CELSR1: variants seen among roughly 807,000 people sequenced by gnomAD.
The protein encoded by CELSR1 is cadherin EGF LAG seven-pass G-type receptor 1.
Under a neutral mutation model 249.1 loss-of-function variants are expected in CELSR1, and 110 were observed. The observed-to-expected ratio is 0.44, with a 90% CI of 0.38 to 0.52. CELSR1 has a LOEUF of 0.52. CELSR1 is among the 20% of genes least tolerant of loss of function. The probability of loss-of-function intolerance (pLI) is 0.00; values close to 1 mark genes in which losing one functional copy is unlikely to be tolerated. For missense variants in CELSR1, 4,109 were observed against 4,296.4 expected (o/e 0.96, Z 1.22); for synonymous variants, 2,113 against 1,900.0 (o/e 1.11, Z -2.92).
At chr22:46,439,779 C>T (rs1298779544) in intron 2 of CELSR1, among the ~76,000 whole-genome samples, 1 of 152,110 alleles carries the variant, frequency 6.6e-6, no homozygotes, top group Non-Finnish European at 1.5e-5. Context: ...CGCCTAGAAA[C>T]AGACCAGAGC....
chr22:46,460,241 C>T (rs1275936004), intron 2 of CELSR1, among the ~76,000 whole-genome samples: 1 of 151,930 alleles, frequency 6.6e-6, no homozygotes. Context: ...CCCTGCCATC[C>T]TGGGGGACAG....
rs918690174 is a variant in CELSR1, at chr22:46,437,237, A to C, written c.4407-948T>G. Among the ~76,000 whole-genome samples, 2 of 152,200 alleles carry C rather than the reference A, an allele frequency of 1.3e-5. No homozygotes were observed. The highest frequency in any genetic ancestry group is 2.9e-5 in the Non-Finnish European group (2 of 68,032). ...CAGGGGCCCCGGGCAGGGGGTCTTC[A>C]GACCCAAATCACCACAACACCTCCC... On this transcript the variant is annotated intron_variant, in intron 3 of 34. Transcript: ENST00000674500. The surrounding 1 kb of genome is among the most constrained non-coding windows in gnomAD (Gnocchi z 4.9).
Position 46,433,458 on chromosome 22 carries a change from G to A in CELSR1, c.4546C>T (p.Pro1516Ser). The A allele has an allele frequency of 6.2e-7, 1 of 1,614,042 alleles. No individual in the cohort carries two copies. The highest frequency in any genetic ancestry group is 1.3e-5 in the African/African-American group (1 of 75,058). The change falls in exon 5 of 35, where the codon CCG becomes TCG. Residue 1516 changes from proline (P) to serine (S), a missense_variant. This residue lies in a region of CELSR1 where 453 missense variants were observed against 492.0 expected (regional missense o/e 0.92). Coordinates refer to ENST00000674500, the MANE Select transcript of CELSR1 (RefSeq NM_001378328.1). The surrounding 1 kb of genome is among the most constrained non-coding windows in gnomAD (Gnocchi z 5.7). ...TCACTCACACCACTGGGAACCTTCG[G>A]TGCCACGGTCGTTGTTGTCTCGCCT... ...SAGETTTTVA[P>S]KVPSGVSDGR... is the part of the protein sequence containing the mutation.
At position 46,409,659 on chromosome 22, in the gene CELSR1, G is replaced by T; in HGVS notation, c.5059+96C>A. On this transcript the variant is annotated intron_variant, in intron 8 of 34. Transcript: ENST00000674500. The surrounding 1 kb of genome is among the most constrained non-coding windows in gnomAD (Gnocchi z 9.8). Reference sequence around the variant, plus strand: ...TATACCACCAGAGGCTGCCGGACCTGGATGTGAAGCCCCCTCACGGTGGTC... The same window carrying T: ...TATACCACCAGAGGCTGCCGGACCTTGATGTGAAGCCCCCTCACGGTGGTC... 2 of 1,465,958 alleles carry T rather than the reference G, an allele frequency of 1.4e-6. No individual in the cohort carries two copies. Among genetic ancestry groups the T allele is most frequent in the Non-Finnish European group, 1.9e-6 (2 of 1,064,184 alleles). 90.8% of individuals were successfully genotyped at this position (1,465,958 alleles called of 1,614,324 possible).
Position 46,391,906 on chromosome 22 carries a change from C to T in CELSR1, c.5965-90G>A. 7.3e-7 allele frequency: 1 copy of T among 1,378,790 alleles called. No homozygotes were observed. Among genetic ancestry groups the T allele is most frequent in the Non-Finnish European group, 9.8e-7 (1 of 1,016,622 alleles). The allele number at this position is 1,378,790 out of a possible 1,614,324, so 85.4% of individuals were successfully genotyped here. A position where few individuals can be genotyped will look rare whatever the true frequency, so the allele number is the denominator to read the frequency against. ...GTTTCCCGAGCGACGTCCAGACTCCCACCCGGGTGTGTGTGTTGGCCGCCA... is the reference window on the plus strand; with the variant it reads ...GTTTCCCGAGCGACGTCCAGACTCCTACCCGGGTGTGTGTGTTGGCCGCCA... On this transcript the variant is annotated intron_variant, in intron 14 of 34. Transcript: ENST00000674500. This position sits in a 1 kb window ranked among gnomAD's most constrained non-coding sequence, Gnocchi z 4.3.
chr22:46,366,061 AG>A (rs1306174613), intron 30 of CELSR1, among the ~76,000 whole-genome samples: 1 of 3,280 alleles, frequency 3.0e-4, no homozygotes, highest in Non-Finnish European at 5.6e-4. Context: ...GGAAAGGTGG[AG>A]GGGGAAGGTG....
chr22:46,491,718 T>C (rs1446032867), intron 1 of CELSR1, among the ~76,000 whole-genome samples: 2 of 150,960 alleles, frequency 1.3e-5, no homozygotes, highest in East Asian at 2.0e-4. Flanking sequence ...CACTGCAATG[T>C]TCACCTCCCG....
At chr22:46,415,710 C>A (rs557628235) in intron 5 of CELSR1, among the ~76,000 whole-genome samples, 2 of 152,086 alleles carry the variant, frequency 1.3e-5, no homozygotes, top group Non-Finnish European at 2.9e-5. Context: ...CGGGAAGATC[C>A]TTCCAATTTT....
chr22:46,402,582 C>G lies in CELSR1; in HGVS notation c.5227-2680G>C, dbSNP rs971379963. The stretch of plus-strand genomic sequence containing the variant: ...TGTCTAGCACTCAATAAAAAATAGC[C>G]AAGTATACGAGGATATAAGGTAATA... On this transcript the variant is annotated intron_variant, in intron 9 of 34. Transcript: ENST00000674500. The surrounding 1 kb of genome is among the most constrained non-coding windows in gnomAD (Gnocchi z 5.0). Among the ~76,000 whole-genome samples, 2 of 152,096 alleles carry G rather than the reference C, an allele frequency of 1.3e-5. No homozygotes were observed. Among genetic ancestry groups the G allele is most frequent in the African/African-American group, 4.8e-5 (2 of 41,416 alleles).
intron 1 of CELSR1, among the ~76,000 whole-genome samples, chr22:46,525,624 G>A (rs2147802515): frequency 6.6e-6 from 1 of 152,310 alleles, no homozygotes; most frequent in East Asian, 1.9e-4. Context: ...ACCAAACTCA[G>A]GACTGCTTTC....
rs968902203 is a variant in CELSR1 at position 46,517,164 on chromosome 22, C to T, written c.3544+16463G>A. On this transcript the variant is annotated intron_variant, in intron 1 of 34. Transcript: ENST00000674500. This position sits in a 1 kb window ranked among gnomAD's most constrained non-coding sequence, Gnocchi z 5.4. ...CCCCATCCCCCACTGCCTCAGTTTT[C>T]CCAGCTGCAGAGCATGGAGCTGCCA... Among the ~76,000 whole-genome samples, 1 of 152,258 alleles carries T rather than the reference C, an allele frequency of 6.6e-6. No individual in the cohort carries two copies. The highest frequency in any genetic ancestry group is 2.4e-5 in the African/African-American group (1 of 41,482).
In CELSR1 at chr22:46,447,915, C is replaced by G. The variant is rs1003390508; in HGVS notation, c.4184-8504G>C. Among the ~76,000 whole-genome samples, 1 of 152,198 alleles carries G rather than the reference C, an allele frequency of 6.6e-6. No individual in the cohort carries two copies. The highest frequency in any genetic ancestry group is 1.5e-5 in the Non-Finnish European group (1 of 68,046). ...GATTACAGGTGCGAGCCACCACACC[C>G]GGCCAGAAAAGCATTCTTAACGGCA... is the stretch of plus-strand genomic sequence containing the variant. On this transcript the variant is annotated intron_variant, in intron 2 of 34. Transcript: ENST00000674500. The surrounding 1 kb of genome is among the most constrained non-coding windows in gnomAD (Gnocchi z 4.7).
chr22:46,501,412 G>A (rs1287519080), intron 1 of CELSR1, among the ~76,000 whole-genome samples: 2 of 152,002 alleles, frequency 1.3e-5, no homozygotes, highest in Non-Finnish European at 2.9e-5. Context: ...CACCATGTTG[G>A]CCAGGCTGGT....
In CELSR1 at chr22:46,506,173, C is replaced by CAAAAAA. The variant is rs59470297; in HGVS notation, c.3544+27448_3544+27453dup. 7.3e-6 allele frequency among the ~76,000 whole-genome samples: 1 copy of CAAAAAA among 137,026 alleles called. No individual in the cohort carries two copies. Among genetic ancestry groups the CAAAAAA allele is most frequent in the Non-Finnish European group, 1.6e-5 (1 of 64,142 alleles). The allele number at this position is 137,026 out of a possible 152,430, so 89.9% of individuals were successfully genotyped here. On this transcript the variant is annotated intron_variant, in intron 1 of 34. Transcript: ENST00000674500. The surrounding 1 kb of genome is among the most constrained non-coding windows in gnomAD (Gnocchi z 4.1). ...CAGCCTGGGCGACAGAGACTGTCTC[C>CAAAAAA]AAAAAAAAAAAAAAAAAAAAGAAAA...
intron 19 of CELSR1, among the ~76,000 whole-genome samples, chr22:46,385,959 G>A (rs1471638288): frequency 6.9e-6 from 1 of 144,128 alleles, no homozygotes; most frequent in Non-Finnish European, 1.5e-5. Flanking sequence ...TTACAGGCGT[G>A]AGCCACCGCG....
rs113616457 is a variant in CELSR1 at position 46,380,850 on chromosome 22, G to A, written c.7194C>T (p.Phe2398=). ...RPLERPVLVE[F]ALLEVEERTK... ...TTCGCTCCTCCACCTCCAGCAGGGCGAACTCCACCAGGACGGGCCTCTCCA... is the reference window on the plus strand; with the variant it reads ...TTCGCTCCTCCACCTCCAGCAGGGCAAACTCCACCAGGACGGGCCTCTCCA... The change falls in exon 22 of 35, where the codon TTC becomes TTT. Residue 2398 remains phenylalanine, a synonymous_variant. Coordinates refer to ENST00000674500, the MANE Select transcript of CELSR1 (RefSeq NM_001378328.1). The surrounding 1 kb of genome is among the most constrained non-coding windows in gnomAD (Gnocchi z 5.1). The A allele has an allele frequency of 1.6e-3, 2,643 of 1,612,400 alleles. 39 individuals are homozygous for A. In the African/African-American group the frequency reaches 0.029, roughly 18 times the overall value.
At chr22:46,375,158 C>T (rs908430295) in intron 24 of CELSR1, among the ~76,000 whole-genome samples, 2 of 152,306 alleles carry the variant, frequency 1.3e-5, no homozygotes, top group South Asian at 2.1e-4. Flanking sequence ...AGCAGCTCGC[C>T]GGAAGGTTCC....
Position 46,537,001 on chromosome 22 carries a change from G to A in CELSR1, c.170C>T (p.Thr57Met), listed in dbSNP as rs1448930702. 3.6e-6 allele frequency: 4 copies of A among 1,113,640 alleles called. No homozygotes were observed. Among genetic ancestry groups the A allele is most frequent in the South Asian group, 3.8e-5 (1 of 26,058 alleles). 69.0% of individuals were successfully genotyped at this position (1,113,640 alleles called of 1,614,324 possible). ...GCTYAVGAAC[T>M]PRAPRELLDV... ...CAGCAGCTCCCGCGGCGCCCGGGGC[G>A]TGCAAGCGGCGCCCACCGCGTAGGT... Residue 57 changes from threonine to methionine, a missense_variant, in exon 1 of 35, where the codon ACG becomes ATG. Physicochemically the swap from Thr to Met is moderately conservative, Grantham distance 81. Transcript: ENST00000674500. This position sits in a 1 kb window ranked among gnomAD's most constrained non-coding sequence, Gnocchi z 5.8.
chr22:46,438,159 G>T (rs1201138746), intron 3 of CELSR1, among the ~76,000 whole-genome samples: 3 of 152,200 alleles, frequency 2.0e-5, no homozygotes, highest in Non-Finnish European at 4.4e-5. Flanking sequence ...CAAAAAAAAG[G>T]AGAGGCCAGA....
Sources: allele counts gnomAD v4.1 joint callset (sites outside exome capture counted in the v4.1 genomes callset), GRCh38; gene constraint gnomAD v4.1.1; regional missense constraint gnomAD v4.1.1; non-coding constraint Gnocchi (gnomAD v3.1); transcripts MANE v1.5; gene names NCBI Gene and HGNC (gene_info 2026-07-23, HGNC 2026-07-21).